The following MYH13 variants were observed in gnomAD, a reference collection of about 807,000 sequenced individuals.
The protein encoded by MYH13 is myosin heavy chain 13, also known as myosin-13.
A neutral mutation model predicts 232.1 loss-of-function variants in MYH13; 177 were observed. The observed-to-expected ratio is 0.76, with a 90% CI of 0.67 to 0.86. MYH13 has a LOEUF of 0.86. Among genes scored for constraint, MYH13 ranks in the 40% least tolerant of loss-of-function variants. The pLI is 0.00. For missense variants in MYH13, 2,246 were observed against 2,405.9 expected, an observed-to-expected ratio of 0.93 and a Z score of 1.39; for synonymous variants, 884 against 923.5, an observed-to-expected ratio of 0.96 and a Z score of 0.78.
chr17:10,345,703 A>C lies in MYH13; in HGVS notation c.1264-87T>G, dbSNP rs2071658768. 2.5e-6 allele frequency: 4 copies of C among 1,608,288 alleles called. No individual in the cohort carries two copies. In the South Asian group the frequency reaches 4.4e-5, roughly 18 times the overall value. ...AACATATGAAATTGACTCGAAAATC[A>C]AAAGCTGTTGGCTAGGCGTGGTGGC... On this transcript the variant is annotated intron_variant, in intron 13 of 40. Coordinates refer to ENST00000252172, the MANE Select transcript of MYH13 (RefSeq NM_003802.3).
chr17:10,327,759 T>C (rs917617614), intron 22 of MYH13, 107 bp downstream of exon 22: 3 of 1,390,076 alleles, frequency 2.2e-6, no homozygotes, highest in Non-Finnish European at 2.0e-6. Context: ...GACCACTGGG[T>C]GGCACCACTG....
In MYH13 at chr17:10,350,505, G is replaced by T. The variant is rs547897147; in HGVS notation, c.1144+51C>A. The stretch of plus-strand genomic sequence containing the variant: ...CAGTTTATCTCACACGGCCTCGCCC[G>T]CACATGAACATAGATGGACCCAATC... On this transcript the variant is annotated intron_variant, in intron 12 of 40. Transcript: ENST00000252172. The T allele has an allele frequency of 1.9e-6, 3 of 1,581,112 alleles. No individual in the cohort carries two copies. In the African/African-American group the frequency reaches 4.1e-5, roughly 21 times the overall value.
At chr17:10,336,579 A>G (rs1446245332) in intron 18 of MYH13, among the ~76,000 whole-genome samples, 1 of 152,078 alleles carries the variant, frequency 6.6e-6, no homozygotes, top group Non-Finnish European at 1.5e-5. Flanking sequence ...TTCACATGCA[A>G]ACCAGCCATC....
chr17:10,347,895 T>C (rs1421775029), intron 12 of MYH13, among the ~76,000 whole-genome samples: 1 of 151,770 alleles, frequency 6.6e-6, no homozygotes, highest in Non-Finnish European at 1.5e-5. Context: ...TTTTTTTTTA[T>C]TTTAGTAGAG....
chr17:10,319,846 C>T (rs1422693055), intron 26 of MYH13, among the ~76,000 whole-genome samples: 1 of 152,130 alleles, frequency 6.6e-6, no homozygotes, highest in Non-Finnish European at 1.5e-5. Context: ...ATGCACATCC[C>T]AGTGAAATTG....
intron 11 of MYH13, 71 bp downstream of exon 11, chr17:10,354,609 C>T (rs1188138875): frequency 1.4e-6 from 2 of 1,384,922 alleles, no homozygotes; most frequent in Middle Eastern, 2.5e-4. Flanking sequence ...CCCATTAGCT[C>T]ACTAACGTGT....
chr17:10,306,230 G>GTGTGTGTGTGTC lies in MYH13; in HGVS notation c.5466+228_5466+229insGACACACACACA, dbSNP rs746650282. Reference sequence around the variant, plus strand: ...AGCATACCAAAATAGATGTGTGTGTGTGTGTGTGTGTGTGTGTGTGTGTGT... The same window carrying GTGTGTGTGTGTC: ...AGCATACCAAAATAGATGTGTGTGTGTGTGTGTGTGTCTGTGTGTGTGTGTGTGTGTGTGTGT... On this transcript the variant is annotated intron_variant, in intron 37 of 40. Transcript: ENST00000252172. This position sits in a 1 kb window ranked among gnomAD's most constrained non-coding sequence, Gnocchi z 4.3. Among the ~76,000 whole-genome samples, 1 of 126,454 alleles carries GTGTGTGTGTGTC rather than the reference G, an allele frequency of 7.9e-6. No homozygotes were observed. The highest frequency in any genetic ancestry group is 1.8e-5 in the Non-Finnish European group (1 of 55,882). 83.0% of individuals were successfully genotyped at this position (126,454 alleles called of 152,430 possible).
At chr17:10,339,903 C>T (rs893756025) in intron 18 of MYH13, among the ~76,000 whole-genome samples, 7 of 152,118 alleles carry the variant, frequency 4.6e-5, no homozygotes, top group Admixed American at 1.3e-4. Flanking sequence ...TATTTTGATA[C>T]AAGCGTGAAA....
At position 10,312,733 on chromosome 17, in the gene MYH13, C is replaced by T; in HGVS notation, c.4206G>A (p.Gln1402=). The T allele has an allele frequency of 1.9e-6, 3 of 1,613,050 alleles. No homozygotes were observed. The highest frequency in any genetic ancestry group is 2.5e-6 in the Non-Finnish European group (3 of 1,179,604). The part of the protein sequence containing the change: ...EAKKKLAQRL[Q]EAEENTETAN... ...CCGTCTCCGTGTTCTCCTCTGCTTC[C>T]TGGAGCCTCTGGGCCAGTTTTTTCC... The change falls in exon 31 of 41, where the codon CAG becomes CAA. Residue 1402 remains glutamine, a synonymous_variant. Coordinates refer to ENST00000252172, the MANE Select transcript of MYH13 (RefSeq NM_003802.3).
In MYH13 at chr17:10,324,292, T is replaced by C. The variant is rs866686006; in HGVS notation, c.2692-28A>G. On this transcript the variant is annotated intron_variant, in intron 22 of 40. Transcript: ENST00000252172. ...GAAAGAACCAGGTCATTTTATGTTT[T>C]GATTGGCCTCTTTGAAAATGCTACA... 6.2e-6 allele frequency: 10 copies of C among 1,610,224 alleles called. 1 individual carries two copies. The African/African-American group carries it at 9.4e-5, about 15-fold the overall frequency.
chr17:10,301,441 A>T, intron 40 of MYH13, 128 bp downstream of exon 40: 1 of 1,407,440 alleles, frequency 7.1e-7, no homozygotes, highest in Non-Finnish European at 9.8e-7. Flanking sequence ...ACCTGCTCTT[A>T]CCTGGTCCCC....
intron 12 of MYH13, among the ~76,000 whole-genome samples, chr17:10,349,134 C>T (rs1257409016): frequency 1.2e-4 from 18 of 150,792 alleles, no homozygotes; most frequent in Admixed American, 8.0e-4. Context: ...TGGAGTTTCA[C>T]GATTTTCACC....
At position 10,312,691 on chromosome 17, in the gene MYH13, T is replaced by C. The variant is rs766090024; in HGVS notation, c.4248A>G (p.Ala1416=). The change falls in exon 31 of 41, where the codon GCA becomes GCG. Residue 1416 remains alanine, a synonymous_variant. Coordinates refer to ENST00000252172, the MANE Select transcript of MYH13 (RefSeq NM_003802.3). ...GCCTCTGCTTGGTTTTCTCCAACGA[T>C]GCGCACTTGGAGTTCGCCGTCTCCG... The part of the protein sequence containing the change: ...ENTETANSKC[A]SLEKTKQRLQ... 23 of 1,613,560 alleles carry C rather than the reference T, an allele frequency of 1.4e-5. No homozygotes were observed. The Middle Eastern group carries it at 4.9e-4, about 35-fold the overall frequency.
chr17:10,315,563 G>A, intron 29 of MYH13, 130 bp downstream of exon 29: 1 of 777,946 alleles, frequency 1.3e-6, no homozygotes, highest in Non-Finnish European at 2.1e-6. Flanking sequence ...CAAAGTGCTG[G>A]GATTACAGGT....
intron 31 of MYH13, 139 bp from the exon 32 acceptor site, chr17:10,312,215 C>A: frequency 1.1e-6 from 1 of 950,252 alleles, no homozygotes; most frequent in Non-Finnish European, 1.5e-6. Context: ...GAGCACTGTT[C>A]TAGATCAGGG....
Position 10,321,680 on chromosome 17 carries a change from G to A in MYH13, c.2963C>T (p.Ala988Val). Residue 988 changes from alanine (A) to valine (V), a missense_variant, in exon 24 of 41, where the codon GCA becomes GTA. Transcript: ENST00000252172. ...CAATTTGGAAATGTTTTCTTCAAGTGCTGTCATTTCTTCGGAAAGATTCTT... is the reference window on the plus strand; with the variant it reads ...CAATTTGGAAATGTTTTCTTCAAGTACTGTCATTTCTTCGGAAAGATTCTT... Reference protein sequence around the residue: ...KVKNLSEEMTALEENISKLTK... With the variant: ...KVKNLSEEMTVLEENISKLTK... 6.2e-7 allele frequency: 1 copy of A among 1,613,238 alleles called. No homozygotes were observed. The highest frequency in any genetic ancestry group is 8.5e-7 in the Non-Finnish European group (1 of 1,179,640).
intron 16 of MYH13, among the ~76,000 whole-genome samples, chr17:10,343,258 T>G (rs1384275330): frequency 6.6e-6 from 1 of 152,070 alleles, no homozygotes; most frequent in Admixed American, 6.6e-5. Context: ...AGGGCAGTGA[T>G]GCAAACTCCA....
At chr17:10,368,791 G>A (rs1204424312) in intron 2 of MYH13, among the ~76,000 whole-genome samples, 1 of 152,188 alleles carries the variant, frequency 6.6e-6, no homozygotes, top group Non-Finnish European at 1.5e-5. Context: ...TTGCATAAGG[G>A]AATCCTGACT....
At chr17:10,364,625 C>A (rs906887230) in intron 2 of MYH13, 83 bp from the exon 3 acceptor site, 16 of 1,226,262 alleles carry the variant, frequency 1.3e-5, no homozygotes, top group Admixed American at 6.3e-5. Flanking sequence ...TCTATTAAAA[C>A]GGGGCCAGAT....
Sources: allele counts gnomAD v4.1 joint callset (sites outside exome capture counted in the v4.1 genomes callset), GRCh38; gene constraint gnomAD v4.1.1; non-coding constraint Gnocchi (gnomAD v3.1); transcripts MANE v1.5; gene names NCBI Gene and HGNC (gene_info 2026-07-23, HGNC 2026-07-21).